The following CYP27C1 variants were observed in gnomAD, a reference collection of about 807,000 sequenced individuals.
The protein encoded by CYP27C1 is cytochrome P450 27C1.
Under a neutral mutation model 40.6 loss-of-function variants are expected in CYP27C1, and 29 were observed. The observed-to-expected ratio is 0.71, with a 90% CI of 0.53 to 0.97. The LOEUF (loss-of-function observed/expected upper bound fraction) is 0.97. CYP27C1 is among the 50% of genes least tolerant of loss of function. The pLI, the probability that CYP27C1 is intolerant of heterozygous loss-of-function variation, is 0.00. For missense variants in CYP27C1, 390 were observed against 485.8 expected (o/e 0.80, Z 1.85); for synonymous variants, 198 against 186.8 (o/e 1.06, Z -0.49).
At chr2:127,190,920 T>C (rs1442170723) in intron 8 of CYP27C1, among the ~76,000 whole-genome samples, 2 of 130,578 alleles carry the variant, frequency 1.5e-5, no homozygotes, top group African/African-American at 5.9e-5. Context: ...CACTCCAGCC[T>C]GGGTGACAGG....
At chr2:127,216,275 AG>A in intron 1 of CYP27C1, among the ~76,000 whole-genome samples, 1 of 152,386 alleles carries the variant, frequency 6.6e-6, no homozygotes, top group Admixed American at 6.5e-5. Context: ...TACGGCTAAA[AG>A]GTGGAAACAA....
rs748109585 is a variant in CYP27C1 at position 127,184,818 on chromosome 2, AGTTT to A, written c.*2449_*2452del. On this transcript the variant is annotated 3_prime_UTR_variant, in exon 9 of 9. Coordinates refer to ENST00000664447, the MANE Select transcript of CYP27C1 (RefSeq NM_001367502.1). The stretch of plus-strand genomic sequence containing the variant: ...GATTTTGCTGACTGCATCCCCATGG[AGTTT>A]GTTTGTGTGTTTGTTTGTTATGAAG... 6.6e-6 allele frequency: 1 copy of A among 152,080 alleles called. No individual in the cohort carries two copies. Among genetic ancestry groups the A allele is most frequent in the Non-Finnish European group, 1.5e-5 (1 of 68,076 alleles). 9.4% of individuals were successfully genotyped at this position (152,080 alleles called of 1,614,324 possible).
At position 127,187,215 on chromosome 2, in the gene CYP27C1, C is replaced by T; in HGVS notation, c.*56G>A. On this transcript the variant is annotated 3_prime_UTR_variant, in exon 9 of 9. Coordinates refer to ENST00000664447, the MANE Select transcript of CYP27C1 (RefSeq NM_001367502.1). ...CCACGGTGATCAGCGAACACAAATA[C>T]CCACTGTGTGTCGGCGAGCTGGTCT... 2 of 1,387,988 alleles carry T rather than the reference C, an allele frequency of 1.4e-6. No homozygotes were observed. 86.0% of individuals were successfully genotyped at this position (1,387,988 alleles called of 1,614,324 possible).
intron 7 of CYP27C1, 31 bp from the exon 8 acceptor site, chr2:127,193,328 A>T (rs885276): frequency 0.42 from 678,308 of 1,611,408 alleles, 146,359 homozygotes; most frequent in Admixed American, 0.62. Context: ...AGAAAAGGGA[A>T]AAGGGGCAGA....
Position 127,201,084 on chromosome 2 carries a change from C to A in CYP27C1, c.883+38G>T. On this transcript the variant is annotated intron_variant, in intron 4 of 8. Transcript: ENST00000664447. The surrounding 1 kb of genome is among the most constrained non-coding windows in gnomAD (Gnocchi z 6.0). The stretch of plus-strand genomic sequence containing the variant: ...TTAGACACACAACACGGCAGGTCAA[C>A]CTGCTTCTGCAAAAGGTGCTCTCAA... 1 of 1,599,654 alleles carries A rather than the reference C, an allele frequency of 6.3e-7. No individual in the cohort carries two copies. The highest frequency in any genetic ancestry group is 2.2e-5 in the East Asian group (1 of 44,728).
At position 127,186,370 on chromosome 2, in the gene CYP27C1, A is replaced by ATTTTT. The variant is rs1377136281; in HGVS notation, c.*900_*901insAAAAA. ...GAGAGAAAAGTATTCTTATACAGCC[A>ATTTTT]TTTTATTTTATTTTATTTTATTTTA... On this transcript the variant is annotated 3_prime_UTR_variant, in exon 9 of 9. Coordinates refer to ENST00000664447, the MANE Select transcript of CYP27C1 (RefSeq NM_001367502.1). This position sits in a 1 kb window ranked among gnomAD's most constrained non-coding sequence, Gnocchi z 4.5. The ATTTTT allele has an allele frequency of 2.7e-5, 1 of 36,736 alleles. No homozygotes were observed. Among genetic ancestry groups the ATTTTT allele is most frequent in the East Asian group, 7.7e-4 (1 of 1,306 alleles). 2.3% of individuals were successfully genotyped at this position (36,736 alleles called of 1,614,324 possible).
At chr2:127,202,339 T>G (rs1048070565) in intron 3 of CYP27C1, among the ~76,000 whole-genome samples, 1 of 152,178 alleles carries the variant, frequency 6.6e-6, no homozygotes, top group Non-Finnish European at 1.5e-5. Flanking sequence ...TTGGCCAGAC[T>G]GGTCTCAAAC....
rs138636282 is a variant in CYP27C1 at position 127,185,112 on chromosome 2, G to A, written c.*2159C>T. 333 of 152,316 alleles carry A rather than the reference G, an allele frequency of 2.2e-3. 2 individuals are homozygous for A. Among genetic ancestry groups the A allele is most frequent in the African/African-American group, 5.0e-3 (206 of 41,490 alleles). 9.4% of individuals were successfully genotyped at this position (152,316 alleles called of 1,614,324 possible). ...TGAAATTACAGGTGTGAGCCACCAC[G>A]CCCAGCCCCCATGGAGTTTTGACAT... is the stretch of plus-strand genomic sequence containing the variant. On this transcript the variant is annotated 3_prime_UTR_variant, in exon 9 of 9. Coordinates refer to ENST00000664447, the MANE Select transcript of CYP27C1 (RefSeq NM_001367502.1). The surrounding 1 kb of genome is among the most constrained non-coding windows in gnomAD (Gnocchi z 4.9).
At chr2:127,202,666 G>T (rs1683065188) in intron 3 of CYP27C1, among the ~76,000 whole-genome samples, 1 of 152,002 alleles carries the variant, frequency 6.6e-6, no homozygotes, top group Non-Finnish European at 1.5e-5. Context: ...CATTCAATAT[G>T]ACTAAAAGCT....
chr2:127,189,975 G>A (rs1045927487), intron 8 of CYP27C1, among the ~76,000 whole-genome samples: 19 of 152,234 alleles, frequency 1.2e-4, no homozygotes, highest in African/African-American at 2.6e-4. Flanking sequence ...CTCACAAAAT[G>A]AGACTTCCTT....
At chr2:127,207,902 C>G (rs972639075) in intron 1 of CYP27C1, among the ~76,000 whole-genome samples, 3 of 152,180 alleles carry the variant, frequency 2.0e-5, no homozygotes, top group African/African-American at 7.2e-5. Flanking sequence ...AAATACACCT[C>G]AAAGTGTATA....
chr2:127,208,527 T>C lies in CYP27C1; in HGVS notation c.283-2437A>G, dbSNP rs1054785479. Among the ~76,000 whole-genome samples the C allele has an allele frequency of 6.6e-5, 10 of 152,338 alleles. No homozygotes were observed. The East Asian group carries it at 1.9e-3, about 29-fold the overall frequency. The stretch of plus-strand genomic sequence containing the variant: ...GCGACCAGCACCAGCTGCGGCTGCC[T>C]GCTGTCTAAGTAATTTGAGCTCCTT... On this transcript the variant is annotated intron_variant, in intron 1 of 8. Coordinates refer to ENST00000664447, the MANE Select transcript of CYP27C1 (RefSeq NM_001367502.1). The surrounding 1 kb of genome is among the most constrained non-coding windows in gnomAD (Gnocchi z 5.2).
chr2:127,186,981 A>G lies in CYP27C1; in HGVS notation c.*290T>C, dbSNP rs1300543681. ...TGCACAGGATACTGCCAGTCATTAA[A>G]TATTGAGTCTAGCACAATGTATGAA... On this transcript the variant is annotated 3_prime_UTR_variant, in exon 9 of 9. Coordinates refer to ENST00000664447, the MANE Select transcript of CYP27C1 (RefSeq NM_001367502.1). The surrounding 1 kb of genome is among the most constrained non-coding windows in gnomAD (Gnocchi z 4.5). The G allele has an allele frequency of 3.3e-6, 1 of 303,990 alleles. No individual in the cohort carries two copies. Among genetic ancestry groups the G allele is most frequent in the African/African-American group, 2.1e-5 (1 of 47,846 alleles). 18.8% of individuals were successfully genotyped at this position (303,990 alleles called of 1,614,324 possible).
In CYP27C1 at chr2:127,211,369, G is replaced by GTTTTTT. The variant is rs371826841; in HGVS notation, c.283-5285_283-5280dup. On this transcript the variant is annotated intron_variant, in intron 1 of 8. Transcript: ENST00000664447. ...GATACAGCTAAAGCAGTGTTTTTTT[G>GTTTTTT]TTTTTTTTTTTTTTTTTTTTTTTTT... Among the ~76,000 whole-genome samples the GTTTTTT allele has an allele frequency of 1.1e-3, 105 of 94,936 alleles. 1 individual carries two copies. Among genetic ancestry groups the GTTTTTT allele is most frequent in the African/African-American group, 1.3e-3 (30 of 23,294 alleles). 62.3% of individuals were successfully genotyped at this position (94,936 alleles called of 152,430 possible). A position where few individuals can be genotyped will look rare whatever the true frequency, so the allele number is the denominator to read the frequency against.
In CYP27C1 at chr2:127,218,333, G is replaced by C. The variant is rs562146869; in HGVS notation, c.282+1656C>G. 6.9e-4 allele frequency among the ~76,000 whole-genome samples: 105 copies of C among 152,282 alleles called. 1 individual carries two copies. In the Middle Eastern group the frequency reaches 0.014, roughly 20 times the overall value. ...AAAAGAAAAATTAAATTACACTTCA[G>C]AAAGCAGGCTGTATTGAACCCATCA... On this transcript the variant is annotated intron_variant, in intron 1 of 8. Coordinates refer to ENST00000664447, the MANE Select transcript of CYP27C1 (RefSeq NM_001367502.1). The surrounding 1 kb of genome is among the most constrained non-coding windows in gnomAD (Gnocchi z 6.0).
Position 127,195,560 on chromosome 2 carries a change from G to C in CYP27C1, c.1048-59C>G. The stretch of plus-strand genomic sequence containing the variant: ...GTGAGTAACACCAGGGACTGAAACA[G>C]AGGCGGTGGCAGGTAGGAAGTCCCC... On this transcript the variant is annotated intron_variant, in intron 5 of 8. Coordinates refer to ENST00000664447, the MANE Select transcript of CYP27C1 (RefSeq NM_001367502.1). This position sits in a 1 kb window ranked among gnomAD's most constrained non-coding sequence, Gnocchi z 6.2. 1 of 1,577,030 alleles carries C rather than the reference G, an allele frequency of 6.3e-7. No homozygotes were observed. Among genetic ancestry groups the C allele is most frequent in the Admixed American group, 1.7e-5 (1 of 57,878 alleles).
Position 127,203,610 on chromosome 2 carries a change from A to G in CYP27C1, c.474-39T>C, listed in dbSNP as rs925662413. 1.0e-5 allele frequency: 16 copies of G among 1,570,902 alleles called. No individual in the cohort carries two copies. In the Admixed American group the frequency reaches 3.1e-4, roughly 30 times the overall value. On this transcript the variant is annotated intron_variant, in intron 2 of 8. Coordinates refer to ENST00000664447, the MANE Select transcript of CYP27C1 (RefSeq NM_001367502.1). ...GTGAGTTTCAAATCATCTTACTTAC[A>G]CTGACATTCTGGGAAAGAATTCAAG...
intron 8 of CYP27C1, among the ~76,000 whole-genome samples, chr2:127,190,543 T>A (rs1432974994): frequency 2.0e-5 from 3 of 150,840 alleles, no homozygotes; most frequent in African/African-American, 7.3e-5. Context: ...GGATTTCACA[T>A]GTTGGTCAGG....
chr2:127,201,333 T>C lies in CYP27C1; in HGVS notation c.674-2A>G. 6.2e-7 allele frequency: 1 copy of C among 1,610,874 alleles called. No homozygotes were observed. The highest frequency in any genetic ancestry group is 8.5e-7 in the Non-Finnish European group (1 of 1,178,034). Reference sequence around the variant, plus strand: ...TCTCATAAAGGATGGTGGCCACTCCTAGACAGGAAAGAGAATTTGAAAACC... The same window carrying C: ...TCTCATAAAGGATGGTGGCCACTCCCAGACAGGAAAGAGAATTTGAAAACC... On this transcript the variant is annotated splice_acceptor_variant, in intron 3 of 8. Coordinates refer to ENST00000664447, the MANE Select transcript of CYP27C1 (RefSeq NM_001367502.1). LOFTEE classifies it high-confidence loss of function. This position sits in a 1 kb window ranked among gnomAD's most constrained non-coding sequence, Gnocchi z 6.0.
Sources: allele counts gnomAD v4.1 joint callset (sites outside exome capture counted in the v4.1 genomes callset), GRCh38; gene constraint gnomAD v4.1.1; non-coding constraint Gnocchi (gnomAD v3.1); transcripts MANE v1.5; gene names NCBI Gene and HGNC (gene_info 2026-07-23, HGNC 2026-07-21).